The following ZEB2 variants were observed in gnomAD, a reference collection of about 807,000 sequenced individuals.
ZEB2 encodes zinc finger E-box-binding homeobox 2.
Under a neutral mutation model 99.9 loss-of-function variants are expected in ZEB2, and 6 were observed. That is an observed-to-expected ratio of 0.06 (90% CI 0.03 to 0.12). ZEB2 has a LOEUF of 0.12. Ranked by LOEUF, ZEB2 falls within the 10% of genes least tolerant of loss-of-function variation. The pLI is 1.00. For synonymous variants in ZEB2, 517 were observed against 542.5 expected, an observed-to-expected ratio of 0.95 and a Z score of 0.65; for missense variants, 969 against 1,502.8, an observed-to-expected ratio of 0.64 and a Z score of 5.87.
chr2:144,409,583 A>G (rs965541379), intron 4 of ZEB2, among the ~76,000 whole-genome samples: 1 of 152,162 alleles, frequency 6.6e-6, no homozygotes, highest in Non-Finnish European at 1.5e-5. Context: ...ATTTCTTCCC[A>G]TACCTTCTCC....
intron 2 of ZEB2, among the ~76,000 whole-genome samples, chr2:144,454,783 C>G (rs1382207951): frequency 2.0e-5 from 3 of 151,994 alleles, no homozygotes; most frequent in African/African-American, 7.3e-5. Flanking sequence ...TTGTTTGAAC[C>G]CAGGATTTTC....
intron 3 of ZEB2, 184 bp downstream of exon 3, chr2:144,429,585 C>T (rs762998675): frequency 2.4e-5 from 22 of 915,498 alleles, no homozygotes; most frequent in Non-Finnish European, 3.5e-5. Context: ...GATGTAACTG[C>T]CGCAATGTGA....
In ZEB2 at chr2:144,389,421, A is replaced by T. The variant is rs760638171; in HGVS notation, c.*30T>A. On this transcript the variant is annotated 3_prime_UTR_variant, in exon 10 of 10. Transcript: ENST00000627532. The surrounding 1 kb of genome is among the most constrained non-coding windows in gnomAD (Gnocchi z 6.8). ...GCAGGTAACAATACTACTGGAAAAA[A>T]AAATAGGAAGCTTAAAATGCAGTAG... The T allele has an allele frequency of 2.5e-6, 4 of 1,613,556 alleles. No homozygotes were observed. In the Middle Eastern group the frequency reaches 5.0e-4, roughly 200 times the overall value.
chr2:144,439,002 A>G (rs1169921795), intron 2 of ZEB2, among the ~76,000 whole-genome samples: 4 of 152,108 alleles, frequency 2.6e-5, no homozygotes, highest in Non-Finnish European at 5.9e-5. Flanking sequence ...GGAGTCAGTG[A>G]TGTGTAAACC....
intron 2 of ZEB2, among the ~76,000 whole-genome samples, chr2:144,481,418 C>T (rs1025584948): frequency 5.3e-5 from 8 of 152,142 alleles, no homozygotes; most frequent in African/African-American, 1.9e-4. Flanking sequence ...TTTATAGCAA[C>T]ATGGAAATTG....
intron 4 of ZEB2, among the ~76,000 whole-genome samples, chr2:144,416,036 C>A (rs1023340555): frequency 2.6e-5 from 4 of 152,212 alleles, no homozygotes; most frequent in African/African-American, 9.6e-5. Context: ...TCTAATCCAG[C>A]AACATGGATG....
chr2:144,511,322 C>T, intron 2 of ZEB2: 2 of 1,065,898 alleles, frequency 1.9e-6, no homozygotes, highest in Middle Eastern at 4.3e-4. Context: ...CTTCTTACCT[C>T]CTCAGAGGAA....
At chr2:144,474,094 C>T (rs1220998045) in intron 2 of ZEB2, among the ~76,000 whole-genome samples, 8 of 152,104 alleles carry the variant, frequency 5.3e-5, no homozygotes, top group Admixed American at 6.6e-5. Flanking sequence ...TCCTGAGCAG[C>T]GCCCCTCCTG....
rs1703078861 is a variant in ZEB2, at chr2:144,386,081, C to T, written c.*3370G>A. On this transcript the variant is annotated 3_prime_UTR_variant, in exon 10 of 10. Coordinates refer to ENST00000627532, the MANE Select transcript of ZEB2 (RefSeq NM_014795.4). Reference sequence around the variant, plus strand: ...AAGATTGCACAGATATGCTAGAATACAAAAGGCTCTTGGAGAAAATGGGCA... The same window carrying T: ...AAGATTGCACAGATATGCTAGAATATAAAAGGCTCTTGGAGAAAATGGGCA... 1 of 152,136 alleles carries T rather than the reference C, an allele frequency of 6.6e-6. No homozygotes were observed. Among genetic ancestry groups the T allele is most frequent in the Non-Finnish European group, 1.5e-5 (1 of 68,018 alleles). The allele number at this position is 152,136 out of a possible 1,614,324, so 9.4% of individuals were successfully genotyped here.
intron 2 of ZEB2, among the ~76,000 whole-genome samples, chr2:144,438,031 C>T (rs886077523): frequency 9.2e-5 from 14 of 152,130 alleles, no homozygotes; most frequent in African/African-American, 3.1e-4. Flanking sequence ...ATTAAACCAC[C>T]TCCCCTCAAA....
intron 2 of ZEB2, chr2:144,497,847 CATT>C: frequency 3.2e-4 from 1 of 3,104 alleles, no homozygotes; most frequent in South Asian, 0.02. Context: ...ATATATATGT[CATT>C]CTCAACATAT....
chr2:144,440,590 G>A (rs1253081949), intron 2 of ZEB2, among the ~76,000 whole-genome samples: 2 of 145,580 alleles, frequency 1.4e-5, no homozygotes, highest in Non-Finnish European at 3.0e-5. Context: ...AAGCATCTAT[G>A]AAATAAAATT....
At chr2:144,496,375 T>A (rs747001785) in intron 2 of ZEB2, 5 of 152,354 alleles carry the variant, frequency 3.3e-5, no homozygotes, top group African/African-American at 9.6e-5. Flanking sequence ...ATGTAGCACA[T>A]TCTAGGATTA....
chr2:144,511,831 T>C, intron 2 of ZEB2: 2 of 1,287,218 alleles, frequency 1.6e-6, no homozygotes, highest in Non-Finnish European at 2.0e-6. Flanking sequence ...CTATATTTAT[T>C]GGTTTAAATC....
intron 2 of ZEB2, chr2:144,503,649 T>C (rs1160758615): frequency 1.3e-5 from 2 of 151,576 alleles, no homozygotes; most frequent in African/African-American, 4.9e-5. Flanking sequence ...GGAGAAAAAA[T>C]GTTCTCAGGC....
intron 5 of ZEB2, 116 bp from the exon 6 acceptor site, chr2:144,404,246 A>G: frequency 8.3e-7 from 1 of 1,200,024 alleles, no homozygotes; most frequent in Non-Finnish European, 1.2e-6. Context: ...TCTGCTCCAC[A>G]GAGTGCCATC....
At chr2:144,479,363 C>G (rs1189227708) in intron 2 of ZEB2, among the ~76,000 whole-genome samples, 1 of 152,096 alleles carries the variant, frequency 6.6e-6, no homozygotes, top group East Asian at 1.9e-4. Context: ...CAATTAGAAA[C>G]TAGGCCTTTC....
chr2:144,442,760 A>G (rs1703933116), intron 2 of ZEB2, among the ~76,000 whole-genome samples: 1 of 152,176 alleles, frequency 6.6e-6, no homozygotes, highest in African/African-American at 2.4e-5. Flanking sequence ...AAGACACTTT[A>G]GGTATATTTT....
At chr2:144,510,460 A>G (rs566341276) in intron 2 of ZEB2, among the ~76,000 whole-genome samples, 6 of 152,032 alleles carry the variant, frequency 3.9e-5, no homozygotes, top group Admixed American at 1.3e-4. Context: ...ACCTGACCCC[A>G]AATCTAACAG....
Sources: allele counts gnomAD v4.1 joint callset (sites outside exome capture counted in the v4.1 genomes callset), GRCh38; gene constraint gnomAD v4.1.1; non-coding constraint Gnocchi (gnomAD v3.1); transcripts MANE v1.5; gene names NCBI Gene and HGNC (gene_info 2026-07-23, HGNC 2026-07-21).